SYNRG: variants seen among roughly 807,000 people sequenced by gnomAD.
SYNRG encodes the protein AP1 gamma subunit binding protein 1.
A neutral mutation model predicts 130.9 loss-of-function variants in SYNRG; 37 were observed. The ratio of observed to expected loss-of-function variants is 0.28; its 90% CI spans 0.22 to 0.37. SYNRG has a LOEUF of 0.37. SYNRG is among the 10% of genes least tolerant of loss of function. The pLI is 1.00. For missense variants in SYNRG, 1,338 were observed against 1,588.9 expected (o/e 0.84, Z 2.68); for synonymous variants, 539 against 568.1 (o/e 0.95, Z 0.73).
In SYNRG at chr17:37,577,389, C is replaced by T; in HGVS notation, c.814G>A (p.Glu272Lys). ...TGCTTCACGAGCTCACCACTCTCTT[C>T]AATTGACAGGTTTTGATCTGAAGTA... is the stretch of plus-strand genomic sequence containing the variant. ...ENTSDQNLSI[E>K]ESGVGVFPSQ... Residue 272 changes from glutamate (E) to lysine (K), a missense_variant, in exon 7 of 22, where the codon GAA becomes AAA. By Grantham distance (56) the Glu-to-Lys change is moderately conservative. Around this residue, in one of 3 missense-constraint regions of SYNRG, gnomAD observed 1,146 missense variants for 1,342.3 expected, o/e 0.85. Transcript: ENST00000612223. 6.2e-7 allele frequency: 1 copy of T among 1,614,160 alleles called. No homozygotes were observed. The highest frequency in any genetic ancestry group is 1.1e-5 in the South Asian group (1 of 91,080).
chr17:37,521,592 TG>T (rs1295342486), intron 19 of SYNRG, among the ~76,000 whole-genome samples: 1 of 152,142 alleles, frequency 6.6e-6, no homozygotes, highest in African/African-American at 2.4e-5. Context: ...GGCTTCCAAC[TG>T]GATCACGACA....
chr17:37,522,637 CTTTTTTTT>C (rs36077729), intron 19 of SYNRG, among the ~76,000 whole-genome samples: 4 of 97,814 alleles, frequency 4.1e-5, no homozygotes, highest in South Asian at 3.5e-4. Flanking sequence ...CCAGCTAACA[CTTTTTTTT>C]TTTTTTTTTT....
chr17:37,518,908 A>G lies in SYNRG; in HGVS notation c.*32T>C, dbSNP rs1465069299. On this transcript the variant is annotated 3_prime_UTR_variant, in exon 22 of 22. Transcript: ENST00000612223. Reference sequence around the variant, plus strand: ...TGTCACCCCGTGGGGTGTCACAGAAAAAAAAAAGTCAATGCTTCACAGAGG... The same window carrying G: ...TGTCACCCCGTGGGGTGTCACAGAAGAAAAAAAGTCAATGCTTCACAGAGG... 1 of 1,606,146 alleles carries G rather than the reference A, an allele frequency of 6.2e-7. No homozygotes were observed. Among genetic ancestry groups the G allele is most frequent in the Non-Finnish European group, 8.5e-7 (1 of 1,175,978 alleles).
chr17:37,539,349 G>A (rs530543440), intron 16 of SYNRG, 104 bp from the exon 17 acceptor site: 13 of 1,187,116 alleles, frequency 1.1e-5, no homozygotes, highest in Non-Finnish European at 1.2e-5. Flanking sequence ...TTTTTATTAC[G>A]ATCACTCTAG....
At chr17:37,598,445 C>T (rs76793594) in intron 2 of SYNRG, among the ~76,000 whole-genome samples, 2,496 of 152,284 alleles carry the variant, frequency 0.016, 77 homozygotes, top group African/African-American at 0.054. Context: ...TGTTTTCCGT[C>T]TTATTTCTTT....
chr17:37,519,510 A>C (rs910863966), intron 21 of SYNRG, among the ~76,000 whole-genome samples: 5 of 152,028 alleles, frequency 3.3e-5, no homozygotes, highest in Admixed American at 3.3e-4. Flanking sequence ...AAAAATTACA[A>C]GAGAGTTAGA....
rs1431817164 is a variant in SYNRG, at chr17:37,576,327, A to G, written c.901+14T>C. 6.2e-7 allele frequency: 1 copy of G among 1,613,100 alleles called. No individual in the cohort carries two copies. Among genetic ancestry groups the G allele is most frequent in the Non-Finnish European group, 8.5e-7 (1 of 1,179,282 alleles). ...ATATCCAGATGGGAATCCTGGGTAA[A>G]GAAGCTTTTTTACCTGGAACCAAAC... On this transcript the variant is annotated intron_variant, in intron 8 of 21. Transcript: ENST00000612223.
chr17:37,568,831 G>C lies in SYNRG; in HGVS notation c.1441C>G (p.Pro481Ala), dbSNP rs759979326. The change falls in exon 11 of 22, where the codon CCT (proline) becomes GCT (alanine). Residue 481 changes from proline to alanine, a missense_variant. By Grantham distance (27) the Pro-to-Ala change is conservative. Around this residue, in one of 3 missense-constraint regions of SYNRG, gnomAD observed 1,146 missense variants for 1,342.3 expected, o/e 0.85. Transcript: ENST00000612223. ...GAGTTACTTGTTTTTGAAGAAGCAG[G>C]CAACTCTTGGAAATCACTGAATGAG... is the stretch of plus-strand genomic sequence containing the variant. ...DDSFSDFQEL[P>A]ASSKTSNSQH... The C allele has an allele frequency of 6.8e-6, 11 of 1,613,812 alleles. No homozygotes were observed. The highest frequency in any genetic ancestry group is 6.7e-5 in the Admixed American group (4 of 59,988).
At chr17:37,561,075 T>C in intron 13 of SYNRG, 120 bp downstream of exon 13, 1 of 814,896 alleles carries the variant, frequency 1.2e-6, no homozygotes, top group Non-Finnish European at 2.0e-6. Flanking sequence ...AGTTTTTTTC[T>C]CCTAAACACA....
chr17:37,579,854 G>A (rs1040186936), intron 6 of SYNRG, among the ~76,000 whole-genome samples: 1 of 151,782 alleles, frequency 6.6e-6, no homozygotes, highest in African/African-American at 2.4e-5. Context: ...AGGAATATAG[G>A]CACATGCCAG....
intron 11 of SYNRG, chr17:37,567,859 C>T (rs2060112067): frequency 6.6e-6 from 1 of 152,182 alleles, no homozygotes; most frequent in Non-Finnish European, 1.5e-5. Flanking sequence ...ATTCATATCG[C>T]TTACTCTGGT....
rs1381930435 is a variant in SYNRG, at chr17:37,579,300, AG to A, written c.590-1688del. 3.8e-6 allele frequency: 5 copies of A among 1,303,766 alleles called. No homozygotes were observed. In the Admixed American group the frequency reaches 1.2e-4, roughly 30 times the overall value. 80.8% of individuals were successfully genotyped at this position (1,303,766 alleles called of 1,614,324 possible). On this transcript the variant is annotated intron_variant, in intron 6 of 21. Coordinates refer to ENST00000612223, the MANE Select transcript of SYNRG (RefSeq NM_007247.6). ...GGGGTGGAGGGGTGGAAAGACTGAAAGGGCTGGGACGTGGAAGAAGGCCCAC... is the reference window on the plus strand; with the variant it reads ...GGGGTGGAGGGGTGGAAAGACTGAAAGGCTGGGACGTGGAAGAAGGCCCAC...
rs749914344 is a variant in SYNRG at position 37,577,378 on chromosome 17, A to C, written c.823+2T>G. On this transcript the variant is annotated splice_donor_variant, in intron 7 of 21. Transcript: ENST00000612223. LOFTEE classifies it high-confidence loss of function. ...TTTTTGCTGAATGCTTCACGAGCTC[A>C]CCACTCTCTTCAATTGACAGGTTTT... is the stretch of plus-strand genomic sequence containing the variant. The C allele has an allele frequency of 6.2e-7, 1 of 1,613,884 alleles. No individual in the cohort carries two copies. Among genetic ancestry groups the C allele is most frequent in the Non-Finnish European group, 8.5e-7 (1 of 1,179,754 alleles).
At chr17:37,536,653 A>G (rs1420184376) in intron 18 of SYNRG, 1 of 152,682 alleles carries the variant, frequency 6.5e-6, no homozygotes, top group Non-Finnish European at 1.5e-5. Flanking sequence ...ATAGCATCAC[A>G]AAGTAATGAA....
At chr17:37,571,059 C>T (rs750046427) in intron 9 of SYNRG, among the ~76,000 whole-genome samples, 174 bp from the exon 10 acceptor site, 11 of 152,184 alleles carry the variant, frequency 7.2e-5, no homozygotes, top group Non-Finnish European at 1.5e-4. Context: ...AAACCTAATA[C>T]TTAAGAAAGA....
At chr17:37,600,575 A>G (rs1356196598) in intron 1 of SYNRG, 172 bp from the exon 2 acceptor site, 1 of 736,448 alleles carries the variant, frequency 1.4e-6, no homozygotes, top group East Asian at 2.7e-5. Context: ...GATGCATGTC[A>G]GCATGCTACT....
intron 19 of SYNRG, among the ~76,000 whole-genome samples, chr17:37,521,630 C>T (rs1335579562): frequency 6.6e-6 from 1 of 152,162 alleles, no homozygotes; most frequent in Non-Finnish European, 1.5e-5. Flanking sequence ...ACTGACAGAT[C>T]CCTCTCGCTA....
Position 37,541,979 on chromosome 17 carries a change from A to G in SYNRG, c.3195T>C (p.Ser1065=). ...ACCTTGGAAGCTACTCACCTTGAAC[A>G]GAAAGGTCAAAGGTTGCCAGCTCAC... ...IKSELATFDL[S]VQGSHKRSLS... is the part of the protein sequence containing the mutation. Residue 1065 remains serine, a synonymous_variant, in exon 15 of 22, where the codon TCT becomes TCC. Coordinates refer to ENST00000612223, the MANE Select transcript of SYNRG (RefSeq NM_007247.6). The G allele has an allele frequency of 6.2e-7, 1 of 1,612,814 alleles. No homozygotes were observed. Among genetic ancestry groups the G allele is most frequent in the South Asian group, 1.1e-5 (1 of 91,062 alleles).
intron 19 of SYNRG, 139 bp downstream of exon 19, chr17:37,535,840 T>C: frequency 8.5e-7 from 1 of 1,170,992 alleles, no homozygotes; most frequent in East Asian, 2.4e-5. Flanking sequence ...CACACACCTG[T>C]GATCTCCCTC....
Sources: allele counts gnomAD v4.1 joint callset (sites outside exome capture counted in the v4.1 genomes callset), GRCh38; gene constraint gnomAD v4.1.1; regional missense constraint gnomAD v4.1.1; transcripts MANE v1.5; gene names NCBI Gene and HGNC (gene_info 2026-07-23, HGNC 2026-07-21).